The following SGPP2 variants were observed in gnomAD, a reference collection of about 807,000 sequenced individuals.
SGPP2 encodes the protein sphingosine 1-phosphate phosphohydrolase 2.
SGPP2 carries 30 observed loss-of-function variants against 33.9 expected under a neutral mutation model. The observed-to-expected ratio is 0.89, with a 90% confidence interval of 0.66 to 1.20. The LOEUF is 1.20. Among genes scored for constraint, SGPP2 ranks in the 50% most tolerant of loss-of-function variants. The probability of loss-of-function intolerance (pLI) is 0.00; values close to 1 mark genes in which losing one functional copy is unlikely to be tolerated. For missense variants in SGPP2, 458 were observed against 532.1 expected, an observed-to-expected ratio of 0.86 and a Z score of 1.37; for synonymous variants, 233 against 225.0, an observed-to-expected ratio of 1.04 and a Z score of -0.32.
At chr2:222,425,640 C>T (rs1032722325) in intron 1 of SGPP2, among the ~76,000 whole-genome samples, 4 of 152,294 alleles carry the variant, frequency 2.6e-5, no homozygotes, top group South Asian at 2.1e-4. Context: ...GCATGTCTAC[C>T]GGGAGCACTG....
chr2:222,442,678 A>G (rs1357323774), intron 1 of SGPP2, among the ~76,000 whole-genome samples: 1 of 152,224 alleles, frequency 6.6e-6, no homozygotes, highest in African/African-American at 2.4e-5. Context: ...TTGGCTAAGA[A>G]TCTAAAATGC....
rs1298821900 is a variant in SGPP2, at chr2:222,424,801, C to T, written c.199C>T (p.Arg67Cys). Residue 67 changes from arginine (R) to cysteine (C), a missense_variant, in exon 1 of 5, where the codon CGC (arginine) becomes TGC (cysteine). Transcript: ENST00000321276. ...KGGEAPANGL[R>C]RAAAPEAYVQ... Reference sequence around the variant, plus strand: ...CGGCGAGGCTCCGGCCAACGGGCTGCGCAGAGCCGCGGCGCCGGAGGTAAC... The same window carrying T: ...CGGCGAGGCTCCGGCCAACGGGCTGTGCAGAGCCGCGGCGCCGGAGGTAAC... 1 of 1,378,398 alleles carries T rather than the reference C, an allele frequency of 7.3e-7. No individual in the cohort carries two copies. Among genetic ancestry groups the T allele is most frequent in the Non-Finnish European group, 9.4e-7 (1 of 1,069,218 alleles). 85.4% of individuals were successfully genotyped at this position (1,378,398 alleles called of 1,614,324 possible).
intron 1 of SGPP2, among the ~76,000 whole-genome samples, chr2:222,471,277 G>A (rs1697836325): frequency 6.6e-6 from 1 of 152,128 alleles, no homozygotes; most frequent in African/African-American, 2.4e-5. Context: ...AGAGAGGAGT[G>A]TCAACTTTCC....
intron 4 of SGPP2, among the ~76,000 whole-genome samples, chr2:222,542,501 A>C (rs934062208): frequency 1.3e-5 from 2 of 152,326 alleles, no homozygotes; most frequent in Middle Eastern, 3.4e-3. Context: ...TTTTCCAAAG[A>C]ATTTTAACAA....
intron 2 of SGPP2, among the ~76,000 whole-genome samples, chr2:222,482,494 T>A (rs1698043962): frequency 6.6e-6 from 1 of 152,152 alleles, no homozygotes; most frequent in Non-Finnish European, 1.5e-5. Context: ...ATTCCTTGAC[T>A]CAAGTGATCC....
intron 2 of SGPP2, among the ~76,000 whole-genome samples, chr2:222,520,480 C>T (rs1216355012): frequency 6.6e-6 from 1 of 152,098 alleles, no homozygotes; most frequent in Non-Finnish European, 1.5e-5. Flanking sequence ...TCTGTAATCC[C>T]AGCACTTTGG....
At chr2:222,554,750 G>C (rs1029991009) in intron 4 of SGPP2, among the ~76,000 whole-genome samples, 1 of 152,166 alleles carries the variant, frequency 6.6e-6, no homozygotes, top group Non-Finnish European at 1.5e-5. Context: ...TGGGAACCTC[G>C]CCAGGGGTCC....
Position 222,520,398 on chromosome 2 carries a change from T to C in SGPP2, c.379-1369T>C, listed in dbSNP as rs138489368. Among the ~76,000 whole-genome samples, 117 of 152,262 alleles carry C rather than the reference T, an allele frequency of 7.7e-4. 2 individuals are homozygous for C. The highest frequency in any genetic ancestry group is 2.6e-3 in the African/African-American group (108 of 41,554). On this transcript the variant is annotated intron_variant, in intron 2 of 4. Coordinates refer to ENST00000321276, the MANE Select transcript of SGPP2 (RefSeq NM_152386.4). ...GCTTTGAAAAAAAGGAGGGAGAATA[T>C]GTCTTCGTTAATGACCTCATGGAAA... is the stretch of plus-strand genomic sequence containing the variant.
intron 4 of SGPP2, among the ~76,000 whole-genome samples, chr2:222,536,567 C>A (rs1238973023): frequency 6.6e-6 from 1 of 152,136 alleles, no homozygotes; most frequent in Non-Finnish European, 1.5e-5. Context: ...GTAGTCCCAG[C>A]TACTCGGGAG....
At chr2:222,438,188 C>A (rs968836066) in intron 1 of SGPP2, among the ~76,000 whole-genome samples, 1 of 152,202 alleles carries the variant, frequency 6.6e-6, no homozygotes, top group East Asian at 1.9e-4. Flanking sequence ...GCAACTTATT[C>A]TTCACTTTAG....
intron 2 of SGPP2, among the ~76,000 whole-genome samples, chr2:222,482,496 A>C (rs1698044028): frequency 6.6e-6 from 1 of 152,144 alleles, no homozygotes; most frequent in South Asian, 2.1e-4. Context: ...TCCTTGACTC[A>C]AGTGATCCTA....
intron 1 of SGPP2, among the ~76,000 whole-genome samples, chr2:222,459,142 C>CTTTTTTTTT (rs1164145783): frequency 6.1e-4 from 58 of 94,470 alleles, no homozygotes; most frequent in Non-Finnish European, 7.5e-4. Context: ...TTCTTTCTTT[C>CTTTTTTTTT]TTTTTTTTTT....
intron 2 of SGPP2, among the ~76,000 whole-genome samples, chr2:222,519,550 A>G (rs1698652187): frequency 1.3e-5 from 2 of 152,216 alleles, no homozygotes; most frequent in African/African-American, 4.8e-5. Flanking sequence ...TGGACATCCA[A>G]TTCTTTTTTA....
In SGPP2 at chr2:222,477,794, C is replaced by G. The variant is rs146609415; in HGVS notation, c.378+3068C>G. On this transcript the variant is annotated intron_variant, in intron 2 of 4. Coordinates refer to ENST00000321276, the MANE Select transcript of SGPP2 (RefSeq NM_152386.4). The surrounding 1 kb of genome is among the most constrained non-coding windows in gnomAD (Gnocchi z 6.0). The stretch of plus-strand genomic sequence containing the variant: ...TATAGAAGGCTGTGGCTAGGGGACA[C>G]TCTCGTTGCCATTATTGGTGGTTAT... Among the ~76,000 whole-genome samples, 3 of 152,214 alleles carry G rather than the reference C, an allele frequency of 2.0e-5. No homozygotes were observed. The highest frequency in any genetic ancestry group is 4.4e-5 in the Non-Finnish European group (3 of 68,004).
At chr2:222,531,613 A>G (rs1698840254) in intron 4 of SGPP2, among the ~76,000 whole-genome samples, 1 of 152,234 alleles carries the variant, frequency 6.6e-6, no homozygotes, top group Non-Finnish European at 1.5e-5. Flanking sequence ...TGATCATGGT[A>G]GTTACACAAC....
chr2:222,545,642 C>G, intron 4 of SGPP2, among the ~76,000 whole-genome samples: 1 of 146,572 alleles, frequency 6.8e-6, no homozygotes, highest in East Asian at 2.8e-4. Context: ...AACTCTCAAA[C>G]TATTGATTTG....
chr2:222,554,497 C>T (rs1416024589), intron 4 of SGPP2, among the ~76,000 whole-genome samples: 1 of 152,120 alleles, frequency 6.6e-6, no homozygotes, highest in Non-Finnish European at 1.5e-5. Flanking sequence ...AAGGTCAAGT[C>T]CCAGAATGAG....
chr2:222,473,666 C>T (rs909456247), intron 1 of SGPP2, among the ~76,000 whole-genome samples: 12 of 152,024 alleles, frequency 7.9e-5, no homozygotes, highest in Non-Finnish European at 1.3e-4. Flanking sequence ...GGCTCACGCC[C>T]GTAATCCCAG....
At chr2:222,475,885 T>C (rs530737326) in intron 2 of SGPP2, among the ~76,000 whole-genome samples, 1 of 152,248 alleles carries the variant, frequency 6.6e-6, no homozygotes, top group East Asian at 1.9e-4. Context: ...ATTTGTAAAA[T>C]TGTGTGAATA....
Sources: allele counts gnomAD v4.1 joint callset (sites outside exome capture counted in the v4.1 genomes callset), GRCh38; gene constraint gnomAD v4.1.1; non-coding constraint Gnocchi (gnomAD v3.1); transcripts MANE v1.5; gene names NCBI Gene and HGNC (gene_info 2026-07-23, HGNC 2026-07-21).